The following RBFOX3 variants were observed in gnomAD, a reference collection of about 807,000 sequenced individuals.
RBFOX3 encodes the protein RNA binding fox-1 homolog 3.
Under a neutral mutation model 48.7 loss-of-function variants are expected in RBFOX3, and 17 were observed. The ratio of observed to expected loss-of-function variants is 0.35; its 90% CI spans 0.24 to 0.52. The LOEUF is 0.52. Among genes scored for constraint, RBFOX3 ranks in the 20% least tolerant of loss-of-function variants. RBFOX3 has a pLI of 0.94. For synonymous variants in RBFOX3, 212 were observed against 209.5 expected (o/e 1.01, Z -0.10); for missense variants, 382 against 497.5 (o/e 0.77, Z 2.21).
intron 4 of RBFOX3, among the ~76,000 whole-genome samples, chr17:79,161,763 T>C (rs1331836378): frequency 2.0e-4 from 1 of 5,100 alleles, no homozygotes; most frequent in Non-Finnish European, 8.1e-3. Flanking sequence ...ACCCGGCTAA[T>C]TTTTGTATTT....
chr17:79,308,169 G>A (rs532875623), intron 2 of RBFOX3, among the ~76,000 whole-genome samples: 11 of 152,274 alleles, frequency 7.2e-5, no homozygotes, highest in African/African-American at 2.4e-4. Context: ...GGGAATGGCC[G>A]AGTCGCCTGT....
intron 4 of RBFOX3, among the ~76,000 whole-genome samples, chr17:79,174,888 GC>G (rs2050198442): frequency 6.6e-6 from 1 of 152,240 alleles, no homozygotes; most frequent in African/African-American, 2.4e-5. Flanking sequence ...GCAGGGTACA[GC>G]CACGAATCCC....
At chr17:79,140,052 C>G (rs73999822) in intron 4 of RBFOX3, among the ~76,000 whole-genome samples, 5,127 of 152,332 alleles carry the variant, frequency 0.034, 138 homozygotes, top group East Asian at 0.087. Context: ...CCAGGCCACC[C>G]CGCCCTGTGG....
chr17:79,211,830 G>A (rs1160836645), intron 4 of RBFOX3, among the ~76,000 whole-genome samples: 1 of 152,178 alleles, frequency 6.6e-6, no homozygotes, highest in Non-Finnish European at 1.5e-5. Flanking sequence ...GCTTTGCCCT[G>A]GTCCTCCCTT....
intron 3 of RBFOX3, among the ~76,000 whole-genome samples, chr17:79,282,166 G>A (rs1327271369): frequency 1.3e-5 from 2 of 152,184 alleles, no homozygotes; most frequent in Non-Finnish European, 2.9e-5. Context: ...GCAGCACCAC[G>A]GGATGGGCAT....
rs1306624194 is a variant in RBFOX3, at chr17:79,223,679, T to C, written c.-34+12087A>G. Among the ~76,000 whole-genome samples, 8 of 151,976 alleles carry C rather than the reference T, an allele frequency of 5.3e-5. No homozygotes were observed. In the East Asian group the frequency reaches 1.6e-3, roughly 29 times the overall value. Reference sequence around the variant, plus strand: ...AACGCCAGCAGCTATGAATAAATAATGATGAAGGGAGAAGAAAGAGGGGCC... The same window carrying C: ...AACGCCAGCAGCTATGAATAAATAACGATGAAGGGAGAAGAAAGAGGGGCC... On this transcript the variant is annotated intron_variant, in intron 4 of 14. Coordinates refer to ENST00000693108, the MANE Select transcript of RBFOX3 (RefSeq NM_001350451.2).
chr17:79,575,875 G>T (rs1026116267), intron 1 of RBFOX3, among the ~76,000 whole-genome samples: 4 of 152,066 alleles, frequency 2.6e-5, no homozygotes, highest in African/African-American at 4.8e-5. Context: ...CCACCCCCTC[G>T]GTTAGGCTGA....
chr17:79,504,259 A>G (rs2082774421), intron 1 of RBFOX3, among the ~76,000 whole-genome samples: 1 of 152,276 alleles, frequency 6.6e-6, no homozygotes, highest in Non-Finnish European at 1.5e-5. Flanking sequence ...CGTTGGCAGC[A>G]GATATTTAAA....
At chr17:79,576,819 G>C (rs1030641446) in intron 1 of RBFOX3, among the ~76,000 whole-genome samples, 2 of 152,172 alleles carry the variant, frequency 1.3e-5, no homozygotes, top group South Asian at 4.1e-4. Context: ...GATGGAGATG[G>C]AGATGGGTAG....
At chr17:79,625,413 T>A in the RBFOX3 span, among the ~76,000 whole-genome samples, 1 of 152,328 alleles carries the variant, frequency 6.6e-6, no homozygotes, top group South Asian at 2.1e-4. Flanking sequence ...CTGCTGTTGG[T>A]GTACATTTAT....
At position 79,473,872 on chromosome 17, in the gene RBFOX3, G is replaced by C. The variant is rs988231428; in HGVS notation, c.-175+8582C>G. ...CACACACACGCAGAACTAAAGTTAGGCTTGCCTTGACCTCTACTTCTAAAT... is the reference window on the plus strand; with the variant it reads ...CACACACACGCAGAACTAAAGTTAGCCTTGCCTTGACCTCTACTTCTAAAT... On this transcript the variant is annotated intron_variant, in intron 2 of 14. Transcript: ENST00000693108. The surrounding 1 kb of genome is among the most constrained non-coding windows in gnomAD (Gnocchi z 4.2). Among the ~76,000 whole-genome samples the C allele has an allele frequency of 1.4e-4, 22 of 151,996 alleles. No individual in the cohort carries two copies. The highest frequency in any genetic ancestry group is 2.4e-4 in the Non-Finnish European group (16 of 67,986).
the RBFOX3 span, among the ~76,000 whole-genome samples, chr17:79,622,399 AG>A: frequency 4.6e-5 from 7 of 152,026 alleles, no homozygotes; most frequent in East Asian, 1.4e-3. Context: ...CAGCCAGAGG[AG>A]GTGGGGCTGG....
intron 1 of RBFOX3, among the ~76,000 whole-genome samples, chr17:79,496,821 A>C (rs947417412): frequency 1.3e-5 from 2 of 152,176 alleles, no homozygotes; most frequent in Non-Finnish European, 1.5e-5. Flanking sequence ...TTGTCACGTG[A>C]ATGCCGAAAG....
At chr17:79,655,045 C>T in the RBFOX3 span, among the ~76,000 whole-genome samples, 53 of 152,256 alleles carry the variant, frequency 3.5e-4, 1 homozygote, top group South Asian at 3.5e-3. Context: ...CTTAGCTTCC[C>T]GACGAGGCTG....
rs1466345590 is a variant in RBFOX3, at chr17:79,592,277, G to A, written c.-320+18549C>T. ...TATATGCATGTGTATGTGGGTGGGG[G>A]GGTGTGGAATATTGTTGTGTGTGCA... On this transcript the variant is annotated intron_variant, in intron 1 of 14. Coordinates refer to ENST00000693108, the MANE Select transcript of RBFOX3 (RefSeq NM_001350451.2). Among the ~76,000 whole-genome samples the A allele has an allele frequency of 2.7e-5, 4 of 150,352 alleles. No individual in the cohort carries two copies. In the South Asian group the frequency reaches 6.3e-4, roughly 24 times the overall value.
chr17:79,146,796 C>T (rs2043132901), intron 4 of RBFOX3, among the ~76,000 whole-genome samples: 1 of 152,192 alleles, frequency 6.6e-6, no homozygotes, highest in Non-Finnish European at 1.5e-5. Context: ...CCTGCAGAAG[C>T]TGGGGAAGAT....
At chr17:79,582,827 G>C (rs2093120983) in intron 1 of RBFOX3, among the ~76,000 whole-genome samples, 1 of 146,176 alleles carries the variant, frequency 6.8e-6, no homozygotes, top group Non-Finnish European at 1.5e-5. Context: ...ATTCCTGGAA[G>C]GACCTGAGTG....
intron 1 of RBFOX3, among the ~76,000 whole-genome samples, chr17:79,569,793 G>A (rs2092598740): frequency 1.3e-5 from 2 of 152,216 alleles, no homozygotes; most frequent in Non-Finnish European, 2.9e-5. Context: ...GATAACAGAT[G>A]GATGGTGTAT....
At chr17:79,269,151 A>C (rs750833243) in intron 3 of RBFOX3, among the ~76,000 whole-genome samples, 5 of 152,234 alleles carry the variant, frequency 3.3e-5, no homozygotes, top group Non-Finnish European at 7.3e-5. Context: ...GCCAGGAAGA[A>C]GGCATGGGAG....
Sources: allele counts gnomAD v4.1 joint callset (sites outside exome capture counted in the v4.1 genomes callset), GRCh38; gene constraint gnomAD v4.1.1; non-coding constraint Gnocchi (gnomAD v3.1); transcripts MANE v1.5; gene names NCBI Gene and HGNC (gene_info 2026-07-23, HGNC 2026-07-21).